The following FUT9 variants were observed in gnomAD, a reference collection of about 807,000 sequenced individuals.
The protein encoded by FUT9 is 4-galactosyl-N-acetylglucosaminide 3-alpha-L-fucosyltransferase 9.
A neutral mutation model predicts 29.7 loss-of-function variants in FUT9; 15 were observed. The ratio of observed to expected loss-of-function variants is 0.51; its 90% CI spans 0.34 to 0.78. The LOEUF is 0.78. FUT9 is among the 30% of genes least tolerant of loss of function. FUT9 has a pLI of 0.01. For missense variants in FUT9, 319 were observed against 425.4 expected, an observed-to-expected ratio of 0.75 and a Z score of 2.20; for synonymous variants, 169 against 153.7, an observed-to-expected ratio of 1.10 and a Z score of -0.74.
chr6:96,197,170 T>C (rs915672467), intron 2 of FUT9, among the ~76,000 whole-genome samples: 5 of 152,168 alleles, frequency 3.3e-5, no homozygotes. Flanking sequence ...AAAAAAGAAT[T>C]TTAAAAAGAC....
chr6:96,190,511 T>A (rs1238383453), intron 2 of FUT9, among the ~76,000 whole-genome samples: 1 of 152,212 alleles, frequency 6.6e-6, no homozygotes, highest in East Asian at 1.9e-4. Context: ...TTTTCCAACT[T>A]GGTTCCATTC....
Position 96,212,186 on chromosome 6 carries a change from T to G in FUT9, c.*7951T>G, listed in dbSNP as rs1325062186. On this transcript the variant is annotated 3_prime_UTR_variant, in exon 3 of 3. Transcript: ENST00000302103. Reference sequence around the variant, plus strand: ...AGAAATATGGGCCAGAGTTACAATATCACATCTCCAGTCTCAGATTGGCCT... The same window carrying G: ...AGAAATATGGGCCAGAGTTACAATAGCACATCTCCAGTCTCAGATTGGCCT... The G allele has an allele frequency of 2.4e-6, 1 of 412,468 alleles. No individual in the cohort carries two copies. Among genetic ancestry groups the G allele is most frequent in the African/African-American group, 2.1e-5 (1 of 48,574 alleles). The allele number at this position is 412,468 out of a possible 1,614,324, so 25.6% of individuals were successfully genotyped here.
intron 2 of FUT9, among the ~76,000 whole-genome samples, chr6:96,135,561 A>G (rs1213801486): frequency 6.6e-6 from 1 of 151,938 alleles, no homozygotes; most frequent in Non-Finnish European, 1.5e-5. Context: ...TGGGAATATA[A>G]TAATATTATG....
chr6:96,142,873 C>T (rs998934001), intron 2 of FUT9, among the ~76,000 whole-genome samples: 1 of 151,842 alleles, frequency 6.6e-6, no homozygotes, highest in Admixed American at 6.6e-5. Flanking sequence ...GGAGAATATA[C>T]ATAGGATTAT....
intron 2 of FUT9, among the ~76,000 whole-genome samples, chr6:96,180,527 A>T (rs1358633254): frequency 5.3e-5 from 8 of 152,002 alleles, no homozygotes; most frequent in Non-Finnish European, 1.2e-4. Context: ...TTTTTAATTA[A>T]CATATAATAA....
chr6:96,169,351 T>C (rs1773070936), intron 2 of FUT9, among the ~76,000 whole-genome samples: 1 of 152,224 alleles, frequency 6.6e-6, no homozygotes, highest in African/African-American at 2.4e-5. Flanking sequence ...ATAAGGTTAT[T>C]TGAGAGTTCA....
At chr6:96,067,218 A>G (rs1562114467) in intron 1 of FUT9, among the ~76,000 whole-genome samples, 1 of 150,838 alleles carries the variant, frequency 6.6e-6, no homozygotes, top group Non-Finnish European at 1.5e-5. Context: ...ATGAATATAT[A>G]CATATATGTT....
chr6:96,051,485 T>TA (rs1394613607), intron 1 of FUT9, among the ~76,000 whole-genome samples: 15 of 150,030 alleles, frequency 1.0e-4, no homozygotes, highest in East Asian at 5.9e-4. Flanking sequence ...ACCCCAACTC[T>TA]AAAAAAAAAT....
At chr6:96,106,039 G>C (rs1771673580) in intron 1 of FUT9, among the ~76,000 whole-genome samples, 1 of 152,164 alleles carries the variant, frequency 6.6e-6, no homozygotes. Flanking sequence ...TTCAATGAAT[G>C]TCAGCTTCTT....
At chr6:96,151,541 T>G (rs192882256) in intron 2 of FUT9, among the ~76,000 whole-genome samples, 1 of 152,304 alleles carries the variant, frequency 6.6e-6, no homozygotes, top group East Asian at 1.9e-4. Flanking sequence ...GCCTTCCTCC[T>G]TGCTTCAGGG....
intron 2 of FUT9, among the ~76,000 whole-genome samples, chr6:96,176,305 T>A (rs907252679): frequency 4.6e-5 from 7 of 151,934 alleles, no homozygotes; most frequent in Non-Finnish European, 1.0e-4. Context: ...TCTCTCTACA[T>A]TTATAAAATA....
Position 96,208,820 on chromosome 6 carries a change from T to A in FUT9, c.*4585T>A, listed in dbSNP as rs1201689477. ...GCGAGCACTGTGAAGGGCAGATATC[T>A]ATTACCAAACCACATGGAGAGAAAT... On this transcript the variant is annotated 3_prime_UTR_variant, in exon 3 of 3. Transcript: ENST00000302103. 1.8e-5 allele frequency: 3 copies of A among 166,726 alleles called. No individual in the cohort carries two copies. Among genetic ancestry groups the A allele is most frequent in the Admixed American group, 6.6e-5 (1 of 15,232 alleles). 10.3% of individuals were successfully genotyped at this position (166,726 alleles called of 1,614,324 possible). A position where few individuals can be genotyped will look rare whatever the true frequency, so the allele number is the denominator to read the frequency against.
chr6:96,148,813 C>G (rs758702056), intron 2 of FUT9, among the ~76,000 whole-genome samples: 9 of 152,152 alleles, frequency 5.9e-5, no homozygotes, highest in African/African-American at 1.7e-4. Flanking sequence ...AAAATGTTCT[C>G]TAACTAGTCT....
Position 96,209,695 on chromosome 6 carries a change from G to A in FUT9, c.*5460G>A, listed in dbSNP as rs17726532. ...ATTTTTTAGCTCATAGTTAACATAT[G>A]TCCATGCATTTGATTTACTTTAAAA... On this transcript the variant is annotated 3_prime_UTR_variant, in exon 3 of 3. Coordinates refer to ENST00000302103, the MANE Select transcript of FUT9 (RefSeq NM_006581.4). 0.41 allele frequency: 67,955 copies of A among 166,382 alleles called. 15,176 individuals carry two copies. The highest frequency in any genetic ancestry group is 0.7 in the South Asian group (3,395 of 4,818). 10.3% of individuals were successfully genotyped at this position (166,382 alleles called of 1,614,324 possible).
At chr6:96,036,028 A>T (rs867780942) in intron 1 of FUT9, among the ~76,000 whole-genome samples, 41 of 127,060 alleles carry the variant, frequency 3.2e-4, no homozygotes, top group Admixed American at 3.6e-4. Flanking sequence ...TTATATTAAT[A>T]TAATATAATA....
At chr6:96,020,626 C>A (rs1276778905) in intron 1 of FUT9, among the ~76,000 whole-genome samples, 1 of 152,024 alleles carries the variant, frequency 6.6e-6, no homozygotes, top group East Asian at 1.9e-4. Flanking sequence ...AAACTGTATT[C>A]TTGGTTATGG....
At position 96,209,175 on chromosome 6, in the gene FUT9, T is replaced by A. The variant is rs541846021; in HGVS notation, c.*4940T>A. ...GTTTGTAAGCTTTCTTCTAGCACTATTACTCTTATCTAAGATCGAAATTGA... is the reference window on the plus strand; with the variant it reads ...GTTTGTAAGCTTTCTTCTAGCACTAATACTCTTATCTAAGATCGAAATTGA... On this transcript the variant is annotated 3_prime_UTR_variant, in exon 3 of 3. Coordinates refer to ENST00000302103, the MANE Select transcript of FUT9 (RefSeq NM_006581.4). 1.2e-5 allele frequency: 2 copies of A among 166,908 alleles called. No homozygotes were observed. Among genetic ancestry groups the A allele is most frequent in the South Asian group, 2.1e-4 (1 of 4,830 alleles). The allele number at this position is 166,908 out of a possible 1,614,324, so 10.3% of individuals were successfully genotyped here.
intron 1 of FUT9, among the ~76,000 whole-genome samples, chr6:96,100,274 C>T (rs914944148): frequency 2.7e-4 from 24 of 88,380 alleles, no homozygotes; most frequent in East Asian, 1.1e-3. Context: ...CACACACACA[C>T]ACATATAATA....
intron 2 of FUT9, among the ~76,000 whole-genome samples, chr6:96,175,821 G>A (rs1260391768): frequency 2.0e-5 from 3 of 152,164 alleles, no homozygotes; most frequent in Non-Finnish European, 4.4e-5. Flanking sequence ...ATGAGATTAA[G>A]GGATACCCAG....
Sources: gnomAD v4.1 joint callset for allele counts (sites outside exome capture counted in the v4.1 genomes callset) on GRCh38, gnomAD v4.1.1 for gene constraint, MANE v1.5 for transcripts, NCBI Gene and HGNC (gene_info 2026-07-23, HGNC 2026-07-21) for gene names.